Variants in GSE1 observed in about 807,000 individuals in gnomAD.
GSE1 encodes the protein Gse1 coiled-coil protein, also known as genetic suppressor element 1.
A neutral mutation model predicts 112.6 loss-of-function variants in GSE1; 32 were observed. That is an observed-to-expected ratio of 0.28 (90% confidence interval 0.21 to 0.38). The LOEUF (loss-of-function observed/expected upper bound fraction) is 0.38, where lower values mean the gene tolerates loss of function less well. Among genes scored for constraint, GSE1 ranks in the 10% least tolerant of loss-of-function variants. The pLI is 1.00. For missense variants in GSE1, 2,348 were observed against 1,699.2 expected (o/e 1.38, Z -6.71); for synonymous variants, 1,115 against 735.6 (o/e 1.52, Z -8.35).
intron 2 of GSE1, among the ~76,000 whole-genome samples, chr16:85,390,704 CCCCCCCACCCCT>C (rs2047819713): frequency 1.1e-5 from 1 of 92,426 alleles, no homozygotes; most frequent in Non-Finnish European, 2.4e-5. Context: ...CTTGTTCTGC[CCCCCCCACCCCT>C]CCCCGCCACC....
intron 1 of GSE1, among the ~76,000 whole-genome samples, chr16:85,601,210 G>A (rs567726814): frequency 7.9e-5 from 12 of 152,116 alleles, no homozygotes; most frequent in Non-Finnish European, 1.8e-4. Context: ...CAGTCGTGAG[G>A]GCCAGGAGGG....
chr16:85,516,159 C>A (rs985668672), intron 2 of GSE1, among the ~76,000 whole-genome samples: 3 of 152,064 alleles, frequency 2.0e-5, no homozygotes, highest in African/African-American at 7.2e-5. Flanking sequence ...GTCACGTGAG[C>A]CTCACAGGGA....
At chr16:85,188,687 G>C (rs1282242426) in intron 1 of GSE1, among the ~76,000 whole-genome samples, 2 of 151,986 alleles carry the variant, frequency 1.3e-5, no homozygotes, top group South Asian at 2.1e-4. Context: ...TATAGTTCCA[G>C]ATACGGGGGA....
intron 2 of GSE1, among the ~76,000 whole-genome samples, chr16:85,530,625 C>T (rs912765296): frequency 4.6e-5 from 7 of 152,170 alleles, no homozygotes; most frequent in African/African-American, 1.7e-4. Flanking sequence ...CAGCCTGCAA[C>T]GAGGGCCCAG....
At chr16:85,451,040 C>G (rs2151802351) in intron 2 of GSE1, among the ~76,000 whole-genome samples, 1 of 131,502 alleles carries the variant, frequency 7.6e-6, no homozygotes, top group East Asian at 2.3e-4. Flanking sequence ...CACCACTGCA[C>G]TCAAGCCTGG....
intron 2 of GSE1, among the ~76,000 whole-genome samples, chr16:85,430,781 C>T: frequency 6.6e-6 from 1 of 152,210 alleles, no homozygotes; most frequent in Non-Finnish European, 1.5e-5. Flanking sequence ...CTGCCCGCCT[C>T]CATCAGGGCC....
chr16:85,195,709 T>A (rs62048641), intron 1 of GSE1, among the ~76,000 whole-genome samples: 26,161 of 152,112 alleles, frequency 0.17, 2,358 homozygotes, highest in Non-Finnish European at 0.19. Context: ...CCCCATGAAC[T>A]TAACCACGAA....
chr16:85,287,922 G>C (rs1032003075), intron 1 of GSE1, among the ~76,000 whole-genome samples: 14 of 152,168 alleles, frequency 9.2e-5, no homozygotes, highest in Non-Finnish European at 2.1e-4. Context: ...ATTTGTGGAA[G>C]GAAGAAATGG....
upstream of GSE1, among the ~76,000 whole-genome samples, chr16:85,552,316 C>CGCTCAGTCTCAGGTGGACCTCG (rs1476686552): frequency 1.7e-3 from 203 of 116,590 alleles, 35 homozygotes; most frequent in Non-Finnish European, 2.8e-3. Context: ...TGAACCACCG[C>CGCTCAGTCTCAGGTGGACCTCG]ACCCGCCCCT....
At chr16:85,662,918 G>T (rs114059717) in intron 9 of GSE1, 63 bp from the exon 10 acceptor site, 1 of 1,155,540 alleles carries the variant, frequency 8.7e-7, no homozygotes, top group African/African-American at 1.5e-5. Context: ...GAGGCCCTGC[G>T]GGCATGTCCA....
intron 2 of GSE1, among the ~76,000 whole-genome samples, chr16:85,634,959 G>A (rs1304120037): frequency 2.6e-5 from 4 of 152,152 alleles, no homozygotes; most frequent in East Asian, 3.9e-4. Context: ...AGGCGGGGGG[G>A]CTGAGGAAAC....
chr16:85,339,562 T>C lies in GSE1; in HGVS notation c.2284-17901T>C, dbSNP rs146551126. Among the ~76,000 whole-genome samples, 675 of 151,402 alleles carry C rather than the reference T, an allele frequency of 4.5e-3. 23 individuals carry two copies. In the East Asian group the frequency reaches 0.1, roughly 23 times the overall value. ...AGGCGGCAGTGAAAAGGCACTAAAA[T>C]TGCTGTCTTCTCAATGTTCTCCCAT... On this transcript the variant is annotated intron_variant, in intron 1 of 2. Transcript: ENST00000637419.
At chr16:85,668,031 C>T (rs1351482077) in intron 13 of GSE1, 109 bp from the exon 14 acceptor site, 10 of 809,072 alleles carry the variant, frequency 1.2e-5, no homozygotes, top group Non-Finnish European at 2.0e-5. Flanking sequence ...TCCCCGGAGC[C>T]CTGCAGTCAT....
At chr16:85,213,098 T>G (rs933556716) in intron 1 of GSE1, among the ~76,000 whole-genome samples, 3 of 151,932 alleles carry the variant, frequency 2.0e-5, no homozygotes, top group Admixed American at 6.6e-5. Context: ...GTGAAACCCC[T>G]TCTCTACTAA....
At chr16:85,547,061 C>T (rs1239250307) in intron 2 of GSE1, among the ~76,000 whole-genome samples, 1 of 152,204 alleles carries the variant, frequency 6.6e-6, no homozygotes, top group Non-Finnish European at 1.5e-5. Flanking sequence ...AGCCTCACCA[C>T]ACCCCTGTCC....
chr16:85,503,521 G>A (rs1025423857), intron 2 of GSE1, among the ~76,000 whole-genome samples: 5 of 152,138 alleles, frequency 3.3e-5, no homozygotes, highest in Non-Finnish European at 5.9e-5. Flanking sequence ...CGAGGGGAGC[G>A]GGGCCTCTGG....
intron 1 of GSE1, among the ~76,000 whole-genome samples, chr16:85,194,105 C>A (rs972149841): frequency 1.3e-5 from 2 of 152,198 alleles, no homozygotes; most frequent in Admixed American, 1.3e-4. Context: ...TCTGACTCAA[C>A]GACGTAGCAG....
At chr16:85,338,773 G>C (rs1315763737) in intron 1 of GSE1, among the ~76,000 whole-genome samples, 1 of 152,186 alleles carries the variant, frequency 6.6e-6, no homozygotes, top group African/African-American at 2.4e-5. Flanking sequence ...CTGGGGCCCA[G>C]AGAGGTTTAA....
At chr16:85,269,901 T>C (rs951434921) in intron 1 of GSE1, among the ~76,000 whole-genome samples, 4 of 149,512 alleles carry the variant, frequency 2.7e-5, no homozygotes, top group African/African-American at 9.7e-5. Context: ...AGCGCCGACA[T>C]GTAGCTGCGT....
Sources: allele counts gnomAD v4.1 joint callset (sites outside exome capture counted in the v4.1 genomes callset), GRCh38; gene constraint gnomAD v4.1.1; transcripts MANE v1.5; gene names NCBI Gene and HGNC (gene_info 2026-07-23, HGNC 2026-07-21).